Variants in CNTNAP2 observed in about 807,000 individuals in gnomAD.
The protein encoded by CNTNAP2 is contactin associated protein 2.
CNTNAP2 carries 98 observed loss-of-function variants against 155.2 expected under a neutral mutation model. The ratio of observed to expected loss-of-function variants is 0.63; its 90% CI spans 0.54 to 0.75. The LOEUF is 0.75. Ranked by LOEUF, CNTNAP2 falls within the 30% of genes least tolerant of loss-of-function variation. The probability of loss-of-function intolerance (pLI) is 0.00; values close to 1 mark genes in which losing one functional copy is unlikely to be tolerated. For missense variants in CNTNAP2, 1,727 were observed against 1,688.1 expected, an observed-to-expected ratio of 1.02 and a Z score of -0.40; for synonymous variants, 651 against 631.2, an observed-to-expected ratio of 1.03 and a Z score of -0.47.
At chr7:147,092,729 C>T (rs1222307342) in intron 4 of CNTNAP2, among the ~76,000 whole-genome samples, 6 of 152,114 alleles carry the variant, frequency 3.9e-5, no homozygotes, top group Admixed American at 3.9e-4. Context: ...TTCTGTGATT[C>T]TTTAGGAATC....
intron 9 of CNTNAP2, among the ~76,000 whole-genome samples, chr7:147,392,670 C>T (rs530076671): frequency 1.3e-5 from 2 of 152,180 alleles, no homozygotes; most frequent in African/African-American, 2.4e-5. Context: ...ATCTGGATTG[C>T]TGTGAATGCC....
At chr7:147,354,798 CTCTCT>C (rs1225127723) in intron 9 of CNTNAP2, among the ~76,000 whole-genome samples, 4 of 151,982 alleles carry the variant, frequency 2.6e-5, no homozygotes, top group Non-Finnish European at 4.4e-5. Context: ...TGTTTGTTTC[CTCTCT>C]TATTTCCTTG....
intron 16 of CNTNAP2, among the ~76,000 whole-genome samples, chr7:148,131,696 C>G (rs1364552877): frequency 6.6e-6 from 1 of 152,112 alleles, no homozygotes; most frequent in African/African-American, 2.4e-5. Context: ...ATCTGCCATT[C>G]TAGGAGCTAA....
At chr7:146,402,091 A>G (rs910087773) in intron 1 of CNTNAP2, among the ~76,000 whole-genome samples, 55 of 152,342 alleles carry the variant, frequency 3.6e-4, no homozygotes, top group African/African-American at 9.1e-4. Context: ...AAGGTCTTCC[A>G]TAAGTATGTT....
chr7:147,168,774 C>T (rs996884369), intron 8 of CNTNAP2, among the ~76,000 whole-genome samples: 1 of 152,086 alleles, frequency 6.6e-6, no homozygotes, highest in Non-Finnish European at 1.5e-5. Context: ...CACTTTTCAT[C>T]TTTCCAACAG....
chr7:147,598,542 A>G (rs781380790), intron 12 of CNTNAP2, among the ~76,000 whole-genome samples: 1 of 152,146 alleles, frequency 6.6e-6, no homozygotes, highest in Non-Finnish European at 1.5e-5. Context: ...ATAGTATTCT[A>G]TGGTGAAATT....
chr7:146,894,058 C>T (rs937142000), intron 3 of CNTNAP2, among the ~76,000 whole-genome samples: 1 of 152,170 alleles, frequency 6.6e-6, no homozygotes, highest in Non-Finnish European at 1.5e-5. Flanking sequence ...ACTGGTTGCT[C>T]ACTGCAGAGG....
chr7:146,777,822 A>G (rs1802416053), intron 2 of CNTNAP2, among the ~76,000 whole-genome samples: 1 of 152,172 alleles, frequency 6.6e-6, no homozygotes, highest in Non-Finnish European at 1.5e-5. Context: ...TTATATGCAA[A>G]TGCCCTTGGG....
At chr7:146,489,779 A>G (rs1198552480) in intron 1 of CNTNAP2, among the ~76,000 whole-genome samples, 1 of 152,094 alleles carries the variant, frequency 6.6e-6, no homozygotes, top group Non-Finnish European at 1.5e-5. Flanking sequence ...CTCAGCAGAG[A>G]AGGCACGTGG....
At chr7:147,543,130 C>G (rs1799668844) in intron 11 of CNTNAP2, among the ~76,000 whole-genome samples, 2 of 152,166 alleles carry the variant, frequency 1.3e-5, no homozygotes, top group South Asian at 4.1e-4. Context: ...TAACAGCAAA[C>G]CAGTCATTAG....
chr7:147,018,309 G>C (rs1030474448), intron 3 of CNTNAP2, among the ~76,000 whole-genome samples: 24 of 152,028 alleles, frequency 1.6e-4, no homozygotes, highest in African/African-American at 4.8e-5. Context: ...CTGAAACATA[G>C]TGAAGAAGAA....
intron 13 of CNTNAP2, among the ~76,000 whole-genome samples, chr7:147,791,586 G>T (rs368606572): frequency 6.6e-6 from 1 of 151,868 alleles, no homozygotes; most frequent in South Asian, 2.1e-4. Context: ...CACTAGGAGA[G>T]TATAAGGAAG....
chr7:147,793,901 A>G (rs1012242627), intron 13 of CNTNAP2, among the ~76,000 whole-genome samples: 4 of 151,884 alleles, frequency 2.6e-5, no homozygotes, highest in African/African-American at 9.7e-5. Context: ...TTTAGTCCTC[A>G]GTATTTTATT....
chr7:146,776,554 T>C (rs1200287199), intron 2 of CNTNAP2, among the ~76,000 whole-genome samples: 1 of 152,178 alleles, frequency 6.6e-6, no homozygotes, highest in African/African-American at 2.4e-5. Context: ...ATAAATGTTA[T>C]AGGCACAGAA....
chr7:147,032,620 A>C (rs1584794613), intron 3 of CNTNAP2, among the ~76,000 whole-genome samples: 1 of 152,086 alleles, frequency 6.6e-6, no homozygotes, highest in Non-Finnish European at 1.5e-5. Flanking sequence ...TCAATCATGT[A>C]TTATAGTAAA....
intron 8 of CNTNAP2, among the ~76,000 whole-genome samples, chr7:147,136,027 C>CA (rs557644300): frequency 0.021 from 2,946 of 140,574 alleles, 43 homozygotes; most frequent in African/African-American, 0.049. Flanking sequence ...TGAATTATAG[C>CA]AAAAAAAAAA....
chr7:147,536,523 T>G (rs1050315627), intron 11 of CNTNAP2, among the ~76,000 whole-genome samples: 4 of 152,162 alleles, frequency 2.6e-5, no homozygotes, highest in Non-Finnish European at 5.9e-5. Flanking sequence ...CCCAGCTGCC[T>G]TGTGCCCACT....
At chr7:146,271,921 G>C (rs920337072) in intron 1 of CNTNAP2, among the ~76,000 whole-genome samples, 2 of 152,078 alleles carry the variant, frequency 1.3e-5, no homozygotes, top group African/African-American at 2.4e-5. Flanking sequence ...TTAGAAAAAG[G>C]CTCAAAGAAC....
chr7:147,452,526 T>G (rs1423927185), intron 10 of CNTNAP2, among the ~76,000 whole-genome samples: 1 of 152,184 alleles, frequency 6.6e-6, no homozygotes, highest in Non-Finnish European at 1.5e-5. Flanking sequence ...ATCAAAATGT[T>G]TCCTATAAAT....
Sources: allele counts gnomAD v4.1 joint callset (sites outside exome capture counted in the v4.1 genomes callset), GRCh38; gene constraint gnomAD v4.1.1; transcripts MANE v1.5; gene names NCBI Gene and HGNC (gene_info 2026-07-23, HGNC 2026-07-21).